The following AMPH variants were observed in gnomAD, a reference collection of about 807,000 sequenced individuals.
The protein encoded by AMPH is amphiphysin (Stiff-Mann syndrome with breast cancer 128kD autoantigen).
A neutral mutation model predicts 99.1 loss-of-function variants in AMPH; 49 were observed. The ratio of observed to expected loss-of-function variants is 0.49; its 90% CI spans 0.39 to 0.63. The LOEUF is 0.63. Among genes scored for constraint, AMPH ranks in the 20% least tolerant of loss-of-function variants. AMPH has a pLI of 0.00. For synonymous variants in AMPH, 314 were observed against 317.3 expected (o/e 0.99, Z 0.11); for missense variants, 759 against 863.4 (o/e 0.88, Z 1.52).
chr7:38,445,001 A>ACACACACACACACGG (rs1325903269), intron 11 of AMPH, among the ~76,000 whole-genome samples: 2,459 of 88,464 alleles, frequency 0.028, 173 homozygotes, highest in African/African-American at 0.065. Context: ...ATATATATAT[A>ACACACACACACACGG]TATATATATA....
intron 11 of AMPH, among the ~76,000 whole-genome samples, chr7:38,456,231 A>G (rs948289347): frequency 6.6e-6 from 1 of 152,010 alleles, no homozygotes; most frequent in African/African-American, 2.4e-5. Flanking sequence ...GGCACAAGGA[A>G]ACTACGTGTC....
intron 9 of AMPH, among the ~76,000 whole-genome samples, chr7:38,464,676 T>TA (rs561689361): frequency 2.4e-4 from 36 of 151,922 alleles, no homozygotes; most frequent in Admixed American, 2.0e-3. Context: ...TCTATTGAAT[T>TA]AAAAAAAATG....
At chr7:38,484,903 C>G (rs1367686045) in intron 5 of AMPH, among the ~76,000 whole-genome samples, 1 of 151,730 alleles carries the variant, frequency 6.6e-6, no homozygotes, top group Non-Finnish European at 1.5e-5. Context: ...TAATTTAGTT[C>G]TTAGCTTAAA....
At chr7:38,438,434 C>A (rs1475127757) in intron 11 of AMPH, among the ~76,000 whole-genome samples, 1 of 152,144 alleles carries the variant, frequency 6.6e-6, no homozygotes, top group East Asian at 1.9e-4. Context: ...GTACCTCTGA[C>A]TCCAATGCCT....
At chr7:38,477,011 A>G (rs1788111786) in intron 5 of AMPH, 42 bp from the exon 6 acceptor site, 1 of 1,576,916 alleles carries the variant, frequency 6.3e-7, no homozygotes. Context: ...AAGCATGGAC[A>G]TAAGAGTCTC....
rs117084491 is a variant in AMPH, at chr7:38,412,718, C to G, written c.1398+5107G>C. Among the ~76,000 whole-genome samples the G allele has an allele frequency of 3.2e-4, 48 of 152,270 alleles. 1 individual carries two copies. The East Asian group carries it at 6.8e-3, about 21-fold the overall frequency. On this transcript the variant is annotated intron_variant, in intron 17 of 20. Transcript: ENST00000356264. ...TTACTTGTATCAGATTTGGATGTAT[C>G]ATGTTTGTAGATCATCTGCCCTTCT...
At chr7:38,506,564 T>C (rs150363376) in intron 2 of AMPH, among the ~76,000 whole-genome samples, 218 of 152,192 alleles carry the variant, frequency 1.4e-3, no homozygotes, top group Non-Finnish European at 2.0e-3. Context: ...ATCTAAAGCC[T>C]AAAAGCCCTA....
chr7:38,590,153 A>T (rs1452454656), intron 1 of AMPH, among the ~76,000 whole-genome samples: 1 of 144,080 alleles, frequency 6.9e-6, no homozygotes, highest in Non-Finnish European at 1.5e-5. Context: ...ACCTTGAGCC[A>T]TGCGGTGAGT....
intron 17 of AMPH, among the ~76,000 whole-genome samples, chr7:38,400,060 C>A (rs996323807): frequency 5.9e-5 from 9 of 152,098 alleles, no homozygotes; most frequent in Non-Finnish European, 1.2e-4. Context: ...ATACATACCT[C>A]ATTGCTTTCT....
chr7:38,436,456 G>C lies in AMPH; in HGVS notation c.1018-68C>G, dbSNP rs1053325587. 1.1e-5 allele frequency: 12 copies of C among 1,118,708 alleles called. No homozygotes were observed. The African/African-American group carries it at 1.8e-4, about 17-fold the overall frequency. 69.3% of individuals were successfully genotyped at this position (1,118,708 alleles called of 1,614,324 possible). ...TTGAATCTGATAAGACCATGATATAGCCCATGTATACTCTCTCTAATATTA... is the reference window on the plus strand; with the variant it reads ...TTGAATCTGATAAGACCATGATATACCCCATGTATACTCTCTCTAATATTA... On this transcript the variant is annotated intron_variant, in intron 11 of 20. Coordinates refer to ENST00000356264, the MANE Select transcript of AMPH (RefSeq NM_001635.4).
At chr7:38,441,942 T>C (rs909160432) in intron 11 of AMPH, among the ~76,000 whole-genome samples, 4 of 151,086 alleles carry the variant, frequency 2.6e-5, no homozygotes, top group Non-Finnish European at 4.4e-5. Context: ...AATGAGATCA[T>C]GTTCTTTGCA....
At chr7:38,449,664 G>T (rs1786930467) in intron 11 of AMPH, among the ~76,000 whole-genome samples, 1 of 152,234 alleles carries the variant, frequency 6.6e-6, no homozygotes, top group African/African-American at 2.4e-5. Context: ...CCAGGGCAAT[G>T]AACTGACTAA....
chr7:38,396,807 A>G (rs1784684154), intron 17 of AMPH, among the ~76,000 whole-genome samples: 1 of 152,278 alleles, frequency 6.6e-6, no homozygotes. Flanking sequence ...CCTGAGAAGA[A>G]CAAGGAGCAA....
chr7:38,617,093 A>G (rs1793898878), intron 1 of AMPH, among the ~76,000 whole-genome samples: 1 of 152,254 alleles, frequency 6.6e-6, no homozygotes, highest in African/African-American at 2.4e-5. Flanking sequence ...TACTTACTAC[A>G]TGTATTTCAT....
At chr7:38,565,662 G>A (rs1347948457) in intron 1 of AMPH, among the ~76,000 whole-genome samples, 3 of 109,048 alleles carry the variant, frequency 2.8e-5, no homozygotes, top group Middle Eastern at 0.021. Flanking sequence ...AGGGGTTAGG[G>A]TTTCAACATA....
At chr7:38,491,959 C>A (rs974764446) in intron 4 of AMPH, among the ~76,000 whole-genome samples, 2 of 152,160 alleles carry the variant, frequency 1.3e-5, no homozygotes, top group African/African-American at 4.8e-5. Context: ...AATTTCAATT[C>A]CCCCAGTTAT....
At chr7:38,561,324 C>T (rs555072901) in intron 1 of AMPH, among the ~76,000 whole-genome samples, 4 of 152,332 alleles carry the variant, frequency 2.6e-5, no homozygotes, top group Admixed American at 6.5e-5. Flanking sequence ...CCTGGTTCCT[C>T]TCATGAGGTT....
intron 1 of AMPH, among the ~76,000 whole-genome samples, chr7:38,550,527 A>G (rs10265223): frequency 0.29 from 44,676 of 152,084 alleles, 6,985 homozygotes; most frequent in Middle Eastern, 0.35. Context: ...TCTGTTTCGC[A>G]TTTCCCTCAT....
chr7:38,587,914 C>CTGTGTGTGTG lies in AMPH; in HGVS notation c.69+43359_69+43368dup, dbSNP rs200023803. Among the ~76,000 whole-genome samples, 269 of 126,198 alleles carry CTGTGTGTGTG rather than the reference C, an allele frequency of 2.1e-3. 1 individual carries two copies. The highest frequency in any genetic ancestry group is 7.9e-3 in the Middle Eastern group (2 of 254). 82.8% of individuals were successfully genotyped at this position (126,198 alleles called of 152,430 possible). A position where few individuals can be genotyped will look rare whatever the true frequency, so the allele number is the denominator to read the frequency against. On this transcript the variant is annotated intron_variant, in intron 1 of 20. Coordinates refer to ENST00000356264, the MANE Select transcript of AMPH (RefSeq NM_001635.4). The stretch of plus-strand genomic sequence containing the variant: ...TGAACTTTAAACAGCTTATTAATTA[C>CTGTGTGTGTG]TGTGTGTGTGTGTGTGTGTGTGTGT...
Sources: gnomAD v4.1 joint callset for allele counts (sites outside exome capture counted in the v4.1 genomes callset) on GRCh38, gnomAD v4.1.1 for gene constraint, MANE v1.5 for transcripts, NCBI Gene and HGNC (gene_info 2026-07-23, HGNC 2026-07-21) for gene names.